Variants in DNM3 observed in about 807,000 individuals in gnomAD.
The protein encoded by DNM3 is dynamin-3.
In DNM3, 47 loss-of-function variants were observed where a neutral mutation model predicts 101.6. That is an observed-to-expected ratio of 0.46 (90% CI 0.37 to 0.59). The LOEUF (loss-of-function observed/expected upper bound fraction) is 0.59, where lower values mean the gene tolerates loss of function less well. Ranked by LOEUF, DNM3 falls within the 20% of genes least tolerant of loss-of-function variation. The probability of loss-of-function intolerance (pLI) is 0.00; values close to 1 mark genes in which losing one functional copy is unlikely to be tolerated. For missense variants in DNM3, 849 were observed against 1,085.7 expected (o/e 0.78, Z 3.06); for synonymous variants, 385 against 387.9 (o/e 0.99, Z 0.09).
chr1:171,991,732 TTGC>T (rs2045643508), intron 4 of DNM3, among the ~76,000 whole-genome samples: 1 of 152,214 alleles, frequency 6.6e-6, no homozygotes, highest in African/African-American at 2.4e-5. Flanking sequence ...ACCAGTCCAC[TTGC>T]TGAAGCTATC....
chr1:172,101,753 C>T (rs546374986), intron 13 of DNM3, among the ~76,000 whole-genome samples: 1 of 152,316 alleles, frequency 6.6e-6, no homozygotes, highest in African/African-American at 2.4e-5. Context: ...CAGTTCTAAT[C>T]ACTGTGTTTA....
rs2071277326 is a variant in DNM3, at chr1:172,412,659, T to C, written c.*4818T>C. The C allele has an allele frequency of 3.0e-6, 3 of 985,360 alleles. No individual in the cohort carries two copies. The highest frequency in any genetic ancestry group is 3.6e-6 in the Non-Finnish European group (3 of 829,558). 61.0% of individuals were successfully genotyped at this position (985,360 alleles called of 1,614,324 possible). ...ATCGTTCTTGAAGGTCACATGTACCTATTGTGAAAATGTGAAGCTGTATTT... is the reference window on the plus strand; with the variant it reads ...ATCGTTCTTGAAGGTCACATGTACCCATTGTGAAAATGTGAAGCTGTATTT... On this transcript the variant is annotated 3_prime_UTR_variant, in exon 21 of 21. Transcript: ENST00000627582.
In DNM3 at chr1:172,410,601, A is replaced by G; in HGVS notation, c.*2760A>G. 1.0e-6 allele frequency: 1 copy of G among 985,082 alleles called. No homozygotes were observed. The highest frequency in any genetic ancestry group is 1.2e-6 in the Non-Finnish European group (1 of 829,614). The allele number at this position is 985,082 out of a possible 1,614,324, so 61.0% of individuals were successfully genotyped here. A position where few individuals can be genotyped will look rare whatever the true frequency, so the allele number is the denominator to read the frequency against. On this transcript the variant is annotated 3_prime_UTR_variant, in exon 21 of 21. Coordinates refer to ENST00000627582, the MANE Select transcript of DNM3 (RefSeq NM_015569.5). Reference sequence around the variant, plus strand: ...TTATTGAAATAGTATTGATTTAGAAAAAGTATATTGCATTTCTAAAAAACA... The same window carrying G: ...TTATTGAAATAGTATTGATTTAGAAGAAGTATATTGCATTTCTAAAAAACA...
intron 14 of DNM3, among the ~76,000 whole-genome samples, chr1:172,239,199 G>A (rs368945774): frequency 2.6e-5 from 4 of 152,208 alleles, no homozygotes; most frequent in South Asian, 4.1e-4. Flanking sequence ...CACCCTCCTG[G>A]TTTGCTATTG....
At chr1:172,131,611 G>A (rs375739945) in intron 14 of DNM3, among the ~76,000 whole-genome samples, 105 of 152,136 alleles carry the variant, frequency 6.9e-4, no homozygotes, top group African/African-American at 2.4e-3. Flanking sequence ...AACAATTTTC[G>A]TTAAAGAAAG....
At chr1:171,975,150 C>T (rs2044281213) in intron 2 of DNM3, among the ~76,000 whole-genome samples, 2 of 152,228 alleles carry the variant, frequency 1.3e-5, no homozygotes, top group East Asian at 3.9e-4. Flanking sequence ...AGCTACTGCA[C>T]CTGGCCATTG....
intron 15 of DNM3, among the ~76,000 whole-genome samples, chr1:172,283,489 T>C (rs1378761490): frequency 6.6e-6 from 1 of 151,958 alleles, no homozygotes; most frequent in Non-Finnish European, 1.5e-5. Context: ...AGGCTGGGCA[T>C]GGTGGCTCAC....
chr1:171,942,137 C>T (rs918313654), intron 2 of DNM3, among the ~76,000 whole-genome samples: 1 of 150,196 alleles, frequency 6.7e-6, no homozygotes, highest in Non-Finnish European at 1.5e-5. Context: ...ATTTATTGAG[C>T]AAGCTGTTGG....
chr1:171,988,520 T>C (rs1056110811), intron 3 of DNM3, among the ~76,000 whole-genome samples: 2 of 151,382 alleles, frequency 1.3e-5, no homozygotes, highest in African/African-American at 2.4e-5. Flanking sequence ...CTAGGCTAAG[T>C]GGTTAACTTT....
At chr1:172,277,276 T>C (rs906284839) in intron 15 of DNM3, among the ~76,000 whole-genome samples, 4 of 152,102 alleles carry the variant, frequency 2.6e-5, no homozygotes, top group Admixed American at 2.0e-4. Flanking sequence ...AGAAATACTT[T>C]GCAAAAACTC....
intron 15 of DNM3, among the ~76,000 whole-genome samples, chr1:172,295,523 T>C (rs539903992): frequency 6.6e-6 from 1 of 152,300 alleles, no homozygotes; most frequent in Non-Finnish European, 1.5e-5. Context: ...TATTTTTGTA[T>C]TCCTGAATTG....
chr1:172,038,552 G>T, intron 7 of DNM3, 91 bp downstream of exon 7: 1 of 1,500,348 alleles, frequency 6.7e-7, no homozygotes, highest in South Asian at 1.3e-5. Flanking sequence ...TTGCTTCTTA[G>T]GTAGCAAGTA....
rs1422751448 is a variant in DNM3, at chr1:172,106,884, C to T, written c.1545+14009C>T. 4.9e-5 allele frequency among the ~76,000 whole-genome samples: 4 copies of T among 82,448 alleles called. 1 individual carries two copies. The highest frequency in any genetic ancestry group is 8.4e-4 in the South Asian group (2 of 2,380). The allele number at this position is 82,448 out of a possible 152,430, so 54.1% of individuals were successfully genotyped here. ...TTTTTTTTTTTTTGAGACGGAGTCT[C>T]GCTCTGTCGCCCAGGCCGGACCGCG... On this transcript the variant is annotated intron_variant, in intron 13 of 20. Transcript: ENST00000627582.
At chr1:171,918,342 G>T (rs1320553274) in intron 1 of DNM3, among the ~76,000 whole-genome samples, 1 of 152,192 alleles carries the variant, frequency 6.6e-6, no homozygotes, top group Non-Finnish European at 1.5e-5. Context: ...GGTTCGGAGA[G>T]AATTTTGCCC....
intron 1 of DNM3, among the ~76,000 whole-genome samples, chr1:171,842,580 G>A (rs1198901845): frequency 2.0e-5 from 3 of 152,148 alleles, no homozygotes; most frequent in African/African-American, 4.8e-5. Context: ...TTGTCCAGGT[G>A]CCATGTCATT....
At chr1:171,957,082 A>C (rs1355704915) in intron 2 of DNM3, among the ~76,000 whole-genome samples, 2 of 152,080 alleles carry the variant, frequency 1.3e-5, no homozygotes, top group Non-Finnish European at 2.9e-5. Context: ...AATGCCCTGT[A>C]GGCATTTCCC....
At chr1:172,004,053 G>C (rs1415480427) in intron 4 of DNM3, among the ~76,000 whole-genome samples, 2 of 152,006 alleles carry the variant, frequency 1.3e-5, no homozygotes, top group Non-Finnish European at 2.9e-5. Flanking sequence ...GGGTTGAATG[G>C]AAGATAAAAG....
At chr1:172,152,359 T>C (rs999289381) in intron 14 of DNM3, among the ~76,000 whole-genome samples, 2 of 152,080 alleles carry the variant, frequency 1.3e-5, no homozygotes, top group Non-Finnish European at 2.9e-5. Context: ...TCATTCTTTT[T>C]AATCTTTAAC....
intron 4 of DNM3, among the ~76,000 whole-genome samples, chr1:172,030,901 A>G (rs2125793275): frequency 6.6e-6 from 1 of 152,338 alleles, no homozygotes; most frequent in South Asian, 2.1e-4. Context: ...GTCAAGACAC[A>G]ACAGATGCTG....
Sources: allele counts gnomAD v4.1 joint callset (sites outside exome capture counted in the v4.1 genomes callset), GRCh38; gene constraint gnomAD v4.1.1; transcripts MANE v1.5; gene names NCBI Gene and HGNC (gene_info 2026-07-23, HGNC 2026-07-21).